Variants in PTPRJ observed in about 807,000 individuals in gnomAD.
PTPRJ encodes receptor-type tyrosine-protein phosphatase eta.
PTPRJ carries 129 observed loss-of-function variants against 141.3 expected under a neutral mutation model. The observed-to-expected ratio is 0.91, with a 90% CI of 0.79 to 1.06. The LOEUF (loss-of-function observed/expected upper bound fraction) is 1.06. Among genes scored for constraint, PTPRJ ranks in the 50% least tolerant of loss-of-function variants. The pLI is 0.00. For synonymous variants in PTPRJ, 610 were observed against 640.5 expected, an observed-to-expected ratio of 0.95 and a Z score of 0.72; for missense variants, 1,601 against 1,679.7, an observed-to-expected ratio of 0.95 and a Z score of 0.82.
At chr11:48,004,139 C>T (rs1243446631) in intron 1 of PTPRJ, among the ~76,000 whole-genome samples, 1 of 152,150 alleles carries the variant, frequency 6.6e-6, no homozygotes, top group African/African-American at 2.4e-5. Context: ...GTTGGGTGAA[C>T]ACTTGCAGAA....
intron 1 of PTPRJ, among the ~76,000 whole-genome samples, chr11:48,058,672 C>T (rs1455229719): frequency 2.0e-5 from 3 of 152,196 alleles, no homozygotes; most frequent in Non-Finnish European, 2.9e-5. Flanking sequence ...TGGATTAGTG[C>T]GGGGCTCTCT....
Position 48,159,933 on chromosome 11 carries a change from A to T in PTPRJ, c.3442A>T (p.Lys1148Ter). Reference protein sequence around the residue: ...LTKCVEQGRTKCEEYWPSKQA... With the variant: ...LTKCVEQGRT ...TAAAAATGCAATTTTGTTCTAGACCAAATGTGAGGAGTATTGGCCCTCCAA... is the reference window on the plus strand; with the variant it reads ...TAAAAATGCAATTTTGTTCTAGACCTAATGTGAGGAGTATTGGCCCTCCAA... Residue 1148 changes from lysine to a stop codon, truncating the protein, a stop_gained, in exon 22 of 25, where the codon AAA becomes TAA. Transcript: ENST00000418331. LOFTEE classifies it high-confidence loss of function. 1 of 1,613,996 alleles carries T rather than the reference A, an allele frequency of 6.2e-7. No individual in the cohort carries two copies. The highest frequency in any genetic ancestry group is 8.5e-7 in the Non-Finnish European group (1 of 1,179,916).
chr11:48,153,799 C>A lies in PTPRJ; in HGVS notation c.3142C>A (p.Leu1048Met). Residue 1048 changes from leucine to methionine, a missense_variant, in exon 19 of 25, where the codon CTG becomes ATG. By Grantham distance (15) the Leu-to-Met change is conservative (BLOSUM62 2). Coordinates refer to ENST00000418331, the MANE Select transcript of PTPRJ (RefSeq NM_002843.4). The stretch of plus-strand genomic sequence containing the variant: ...ACCTCATTTGTTTTGTTTTCAGGAT[C>A]TGAAGCTTGTTGGAATTAGTCAACC... ...NCGFAEEYED[L>M]KLVGISQPKY... 1 of 1,608,328 alleles carries A rather than the reference C, an allele frequency of 6.2e-7. No individual in the cohort carries two copies. Among genetic ancestry groups the A allele is most frequent in the Non-Finnish European group, 8.5e-7 (1 of 1,174,868 alleles).
intron 1 of PTPRJ, among the ~76,000 whole-genome samples, chr11:48,087,036 T>C (rs1855734202): frequency 6.6e-6 from 1 of 152,256 alleles, no homozygotes; most frequent in African/African-American, 2.4e-5. Context: ...TGTATCATTA[T>C]GATAGTGTTA....
At chr11:48,110,196 T>A in intron 2 of PTPRJ, 120 bp downstream of exon 2, 1 of 1,107,874 alleles carries the variant, frequency 9.0e-7, no homozygotes, top group Non-Finnish European at 1.3e-6. Flanking sequence ...TTTCCAATTT[T>A]TCTTTTTCTT....
rs1857362720 is a variant in PTPRJ at position 48,146,869 on chromosome 11, T to G, written c.2912-7T>G. The G allele has an allele frequency of 6.2e-7, 1 of 1,613,704 alleles. No homozygotes were observed. The highest frequency in any genetic ancestry group is 1.1e-5 in the South Asian group (1 of 91,070). ...CTTGAAGTGTCTCCCATTTGGACTT[T>G]TCTCAGGTGTCATCTGTGGAGCGGT... On this transcript the variant is annotated splice_region_variant and splice_polypyrimidine_tract_variant and intron_variant, in intron 14 of 24. Transcript: ENST00000418331.
In PTPRJ at chr11:47,988,879, G is replaced by GTT. The variant is rs869194701; in HGVS notation, c.96+7896_96+7897dup. Among the ~76,000 whole-genome samples the GTT allele has an allele frequency of 3.4e-3, 259 of 76,340 alleles. 50 individuals carry two copies. The highest frequency in any genetic ancestry group is 0.013 in the African/African-American group (193 of 14,632). 50.1% of individuals were successfully genotyped at this position (76,340 alleles called of 152,430 possible). On this transcript the variant is annotated intron_variant, in intron 1 of 24. Coordinates refer to ENST00000418331, the MANE Select transcript of PTPRJ (RefSeq NM_002843.4). The stretch of plus-strand genomic sequence containing the variant: ...TCTGAAAGGTGAAAAATTGTATCTT[G>GTT]TTTTTTTTTTTTTTTTTTTTTTTTT...
chr11:48,024,005 AT>A (rs773591083), intron 1 of PTPRJ, among the ~76,000 whole-genome samples: 24 of 152,012 alleles, frequency 1.6e-4, no homozygotes, highest in Middle Eastern at 3.4e-3. Context: ...AAAAATAAAA[AT>A]ATATATAAAA....
At chr11:48,112,156 T>C (rs61915881) in intron 2 of PTPRJ, among the ~76,000 whole-genome samples, 4,663 of 152,286 alleles carry the variant, frequency 0.031, 109 homozygotes, top group Non-Finnish European at 0.047. Context: ...CAGAAGGTTG[T>C]GCTCCACCCT....
At chr11:48,002,549 G>A (rs1456485093) in intron 1 of PTPRJ, among the ~76,000 whole-genome samples, 1 of 152,110 alleles carries the variant, frequency 6.6e-6, no homozygotes, top group Non-Finnish European at 1.5e-5. Flanking sequence ...ACTATGATCA[G>A]TATAAAAACC....
At chr11:48,116,599 C>G (rs1856572385) in intron 3 of PTPRJ, among the ~76,000 whole-genome samples, 1 of 152,206 alleles carries the variant, frequency 6.6e-6, no homozygotes, top group Non-Finnish European at 1.5e-5. Flanking sequence ...ACAGAACATT[C>G]CATCCAACAG....
chr11:48,069,963 A>C (rs1022821489), intron 1 of PTPRJ, among the ~76,000 whole-genome samples: 1 of 152,244 alleles, frequency 6.6e-6, no homozygotes, highest in Admixed American at 6.5e-5. Context: ...ATACTTAGTC[A>C]AAATCATCAG....
At chr11:48,066,831 C>T (rs926870249) in intron 1 of PTPRJ, among the ~76,000 whole-genome samples, 1 of 152,084 alleles carries the variant, frequency 6.6e-6, no homozygotes, top group Non-Finnish European at 1.5e-5. Context: ...GGTGATCCGC[C>T]TGCCTCGGCC....
chr11:47,999,202 C>T (rs1854425857), intron 1 of PTPRJ, among the ~76,000 whole-genome samples: 1 of 152,216 alleles, frequency 6.6e-6, no homozygotes, highest in African/African-American at 2.4e-5. Context: ...TTAGTGATGT[C>T]TGCCATGGCC....
intron 1 of PTPRJ, among the ~76,000 whole-genome samples, chr11:48,018,606 C>A (rs1379426671): frequency 6.6e-6 from 1 of 152,170 alleles, no homozygotes; most frequent in Non-Finnish European, 1.5e-5. Context: ...TTTTTGGAGA[C>A]TAGAAACAGT....
intron 1 of PTPRJ, among the ~76,000 whole-genome samples, chr11:48,105,819 C>G (rs1327749923): frequency 6.6e-6 from 1 of 152,122 alleles, no homozygotes; most frequent in Non-Finnish European, 1.5e-5. Flanking sequence ...ATGTTCTACA[C>G]CAGTGGGTGC....
intron 1 of PTPRJ, among the ~76,000 whole-genome samples, chr11:48,026,797 C>A (rs1450285322): frequency 6.6e-6 from 1 of 151,840 alleles, no homozygotes; most frequent in Non-Finnish European, 1.5e-5. Flanking sequence ...GCACCCATCA[C>A]CTGAGCAGTA....
chr11:47,981,087 C>T, intron 1 of PTPRJ, 79 bp downstream of exon 1: 4 of 1,181,302 alleles, frequency 3.4e-6, no homozygotes, highest in Non-Finnish European at 4.2e-6. Context: ...CGAGCGTACC[C>T]CCCCGGGGGG....
At chr11:48,076,020 T>G (rs1349540426) in intron 1 of PTPRJ, among the ~76,000 whole-genome samples, 1 of 152,200 alleles carries the variant, frequency 6.6e-6, no homozygotes, top group Non-Finnish European at 1.5e-5. Context: ...CCTCTCATGG[T>G]CCTTCCCCCT....
Sources: gnomAD v4.1 joint callset for allele counts (sites outside exome capture counted in the v4.1 genomes callset) on GRCh38, gnomAD v4.1.1 for gene constraint, MANE v1.5 for transcripts, NCBI Gene and HGNC (gene_info 2026-07-23, HGNC 2026-07-21) for gene names.